Variants in PCDHA1 observed in about 807,000 individuals in gnomAD.
PCDHA1 encodes the protein protocadherin alpha 1.
A neutral mutation model predicts 61.3 loss-of-function variants in PCDHA1; 42 were observed. The observed-to-expected ratio is 0.69, with a 90% CI of 0.54 to 0.89. The LOEUF (loss-of-function observed/expected upper bound fraction) is 0.89. Among genes scored for constraint, PCDHA1 ranks in the 40% least tolerant of loss-of-function variants. The pLI, the probability that PCDHA1 is intolerant of heterozygous loss-of-function variation, is 0.00. For synonymous variants in PCDHA1, 610 were observed against 553.8 expected (o/e 1.10, Z -1.43); for missense variants, 1,256 against 1,235.3 (o/e 1.02, Z -0.25).
chr5:140,822,479 A>G, intron 1 of PCDHA1: 5 of 1,613,856 alleles, frequency 3.1e-6, no homozygotes, highest in Non-Finnish European at 4.2e-6. Context: ...TTGGATGCTA[A>G]TGATAACGCC....
In PCDHA1 at chr5:141,011,725, TGCAA is replaced by T. The variant is rs1283017882; in HGVS notation, c.*1792_*1795del. 6.5e-6 allele frequency: 1 copy of T among 153,742 alleles called. No individual in the cohort carries two copies. The highest frequency in any genetic ancestry group is 1.5e-5 in the Non-Finnish European group (1 of 68,032). The allele number at this position is 153,742 out of a possible 1,614,324, so 9.5% of individuals were successfully genotyped here. ...ATACTGACAATATTCCATGAGGGTG[TGCAA>T]GCACAAATTTTACCAATCTGACCTC... On this transcript the variant is annotated 3_prime_UTR_variant, in exon 4 of 4. Coordinates refer to ENST00000504120, the MANE Select transcript of PCDHA1 (RefSeq NM_018900.4).
chr5:140,834,243 A>C (rs1260140058), intron 1 of PCDHA1: 4 of 837,910 alleles, frequency 4.8e-6, no homozygotes, highest in Non-Finnish European at 7.4e-6. Flanking sequence ...TCCTTTTCGC[A>C]CTGGAAAGAC....
chr5:140,950,247 A>G (rs1483854749), intron 1 of PCDHA1, among the ~76,000 whole-genome samples: 1 of 152,004 alleles, frequency 6.6e-6, no homozygotes, highest in East Asian at 1.9e-4. Flanking sequence ...ATTTGTTCCT[A>G]AAGAGCTGAG....
At chr5:140,898,408 G>A (rs1189859035) in intron 1 of PCDHA1, among the ~76,000 whole-genome samples, 7 of 152,096 alleles carry the variant, frequency 4.6e-5, no homozygotes, top group African/African-American at 9.7e-5. Flanking sequence ...TTCTACATAC[G>A]GCTAGCCAGT....
At chr5:140,850,186 C>A (rs2150472009) in intron 1 of PCDHA1, 4 of 1,593,728 alleles carry the variant, frequency 2.5e-6, no homozygotes, top group East Asian at 4.5e-5. Flanking sequence ...AATGCGCCGG[C>A]GCTGCTGACA....
intron 1 of PCDHA1, chr5:140,876,114 A>G: frequency 2.5e-6 from 4 of 1,613,960 alleles, no homozygotes; most frequent in Non-Finnish European, 3.4e-6. Context: ...TGCTGATGGT[A>G]ATCGATGGCG....
intron 1 of PCDHA1, chr5:140,869,653 A>G: frequency 6.2e-7 from 1 of 1,613,586 alleles, no homozygotes. Flanking sequence ...AGATTCACCA[A>G]CAAATGGTAA....
chr5:140,884,514 C>G, intron 1 of PCDHA1: 21 of 1,614,176 alleles, frequency 1.3e-5, no homozygotes, highest in South Asian at 2.2e-5. Flanking sequence ...GGGAGTTGGT[C>G]GTACTCGCAG....
intron 1 of PCDHA1, among the ~76,000 whole-genome samples, chr5:140,833,364 G>T (rs1298324769): frequency 1.3e-5 from 2 of 152,118 alleles, no homozygotes; most frequent in Non-Finnish European, 2.9e-5. Flanking sequence ...AACACAGTAA[G>T]GTAGATCCAA....
chr5:140,855,994 G>A (rs941733432), intron 1 of PCDHA1: 1 of 1,498,182 alleles, frequency 6.7e-7, no homozygotes, highest in Non-Finnish European at 9.0e-7. Flanking sequence ...ATGTCAGATC[G>A]TATGTGCGTT....
intron 1 of PCDHA1, chr5:140,854,253 A>C: frequency 1.3e-5 from 8 of 620,086 alleles, no homozygotes; most frequent in Non-Finnish European, 1.6e-5. Flanking sequence ...CACTTGGTAT[A>C]AAATGTACAT....
chr5:140,861,496 T>C (rs2153222110), intron 1 of PCDHA1: 1 of 486,240 alleles, frequency 2.1e-6, no homozygotes, highest in Non-Finnish European at 4.2e-6. Context: ...AGTTCTCTGA[T>C]AGACCTCGAG....
intron 1 of PCDHA1, chr5:140,862,291 C>A (rs1029513176): frequency 7.5e-6 from 2 of 265,238 alleles, no homozygotes; most frequent in Admixed American, 4.8e-5. Flanking sequence ...TACAGGAGGA[C>A]GCTCCACTGG....
chr5:140,869,511 A>G, intron 1 of PCDHA1: 1 of 1,614,194 alleles, frequency 6.2e-7, no homozygotes, highest in Non-Finnish European at 8.5e-7. Context: ...TCTCGCTCAG[A>G]GAACAAAAGC....
intron 1 of PCDHA1, chr5:140,842,858 G>A (rs2150346522): frequency 1.3e-6 from 2 of 1,594,076 alleles, no homozygotes; most frequent in South Asian, 2.2e-5. Context: ...GGTGCACACG[G>A]AGAGCGGCAA....
chr5:140,920,632 T>C (rs1054888668), intron 1 of PCDHA1, among the ~76,000 whole-genome samples: 2 of 152,018 alleles, frequency 1.3e-5, no homozygotes, highest in Non-Finnish European at 2.9e-5. Context: ...GATCACAAGG[T>C]CAAGAGATTG....
At chr5:140,948,819 A>G (rs1332127797) in intron 1 of PCDHA1, among the ~76,000 whole-genome samples, 5 of 151,420 alleles carry the variant, frequency 3.3e-5, no homozygotes, top group Middle Eastern at 3.4e-3. Context: ...TTTCTATTTC[A>G]TTAATTTCTG....
intron 1 of PCDHA1, chr5:140,858,050 C>G: frequency 6.3e-7 from 1 of 1,597,552 alleles, no homozygotes; most frequent in Non-Finnish European, 8.6e-7. Flanking sequence ...GCTTGTGTCG[C>G]TTGTGGAGGG....
intron 3 of PCDHA1, among the ~76,000 whole-genome samples, chr5:141,000,381 CTCTCTCTCTCTCTCTATA>C (rs1371464108): frequency 4.9e-5 from 3 of 61,382 alleles, no homozygotes; most frequent in South Asian, 5.3e-4. Flanking sequence ...CTCTCTCTCT[CTCTCTCTCTCTCTCTATA>C]TATATATATA....
Sources: allele counts gnomAD v4.1 joint callset (sites outside exome capture counted in the v4.1 genomes callset), GRCh38; gene constraint gnomAD v4.1.1; transcripts MANE v1.5; gene names NCBI Gene and HGNC (gene_info 2026-07-23, HGNC 2026-07-21).